The following COL10A1 variants were observed in gnomAD, a reference collection of about 807,000 sequenced individuals.
The protein encoded by COL10A1 is collagen type X alpha 1 chain, also known as collagen alpha-1(X) chain.
COL10A1 carries 10 observed loss-of-function variants against 18.2 expected under a neutral mutation model. The observed-to-expected ratio is 0.55, with a 90% confidence interval of 0.34 to 0.93. COL10A1 has a LOEUF of 0.93. Among genes scored for constraint, COL10A1 ranks in the 40% least tolerant of loss-of-function variants. The probability of loss-of-function intolerance (pLI) is 0.02; values close to 1 mark genes in which losing one functional copy is unlikely to be tolerated. For synonymous variants in COL10A1, 330 were observed against 316.6 expected, an observed-to-expected ratio of 1.04 and a Z score of -0.45; for missense variants, 897 against 853.5, an observed-to-expected ratio of 1.05 and a Z score of -0.64.
chr6:116,169,566 C>T, the COL10A1 span, among the ~76,000 whole-genome samples: 1,030 of 152,306 alleles, frequency 6.8e-3, 9 homozygotes, highest in Middle Eastern at 0.037. Flanking sequence ...ATTTTGCATA[C>T]TGATCAACTA....
the COL10A1 span, among the ~76,000 whole-genome samples, chr6:116,186,278 G>A: frequency 6.6e-6 from 1 of 151,454 alleles, no homozygotes; most frequent in African/African-American, 2.4e-5. Context: ...GTTACCTGAT[G>A]CTTTTGTCTC....
the COL10A1 span, among the ~76,000 whole-genome samples, chr6:116,187,886 C>T: frequency 2.6e-5 from 4 of 151,994 alleles, no homozygotes; most frequent in Admixed American, 2.6e-4. Flanking sequence ...AAACGTCTCT[C>T]TTCATAAAAA....
At chr6:116,213,827 G>A in the COL10A1 span, among the ~76,000 whole-genome samples, 2 of 152,078 alleles carry the variant, frequency 1.3e-5, no homozygotes, top group Non-Finnish European at 2.9e-5. Context: ...GTTGTGTCTA[G>A]GTAAGTAGAA....
intron 1 of COL10A1, among the ~76,000 whole-genome samples, chr6:116,141,104 A>G (rs183264888): frequency 4.6e-5 from 7 of 152,290 alleles, no homozygotes; most frequent in Admixed American, 1.3e-4. Context: ...TTAAACTTCA[A>G]GGTTTGCCAA....
chr6:116,145,489 T>C, intron 1 of COL10A1: 1 of 372,006 alleles, frequency 2.7e-6, no homozygotes, highest in Non-Finnish European at 6.1e-6. Flanking sequence ...AGTTTCATAC[T>C]TATTTAAGAG....
At chr6:116,160,970 A>G (rs539440865), upstream of COL10A1, among the ~76,000 whole-genome samples, 2 of 152,088 alleles carry the variant, frequency 1.3e-5, no homozygotes, top group African/African-American at 4.8e-5. Context: ...GACTGGATTA[A>G]GAAAATGTGG....
chr6:116,134,445 T>C (rs191258565), intron 1 of COL10A1, among the ~76,000 whole-genome samples: 18 of 152,336 alleles, frequency 1.2e-4, no homozygotes, highest in Non-Finnish European at 2.5e-4. Flanking sequence ...GACTATGGGT[T>C]ATTTATTATT....
chr6:116,146,409 C>T (rs1779898494), intron 1 of COL10A1, among the ~76,000 whole-genome samples: 1 of 152,116 alleles, frequency 6.6e-6, no homozygotes, highest in South Asian at 2.1e-4. Flanking sequence ...AGGAATTTCT[C>T]AGAAGCTCCA....
At chr6:116,170,592 T>A in the COL10A1 span, among the ~76,000 whole-genome samples, 1 of 152,208 alleles carries the variant, frequency 6.6e-6, no homozygotes. Context: ...TTTGTTTTAG[T>A]CACTTTTAAA....
the COL10A1 span, among the ~76,000 whole-genome samples, chr6:116,210,495 C>T: frequency 2.0e-5 from 3 of 151,944 alleles, no homozygotes; most frequent in African/African-American, 7.2e-5. Context: ...GATTCTGCCA[C>T]ATGGTAGCTG....
the COL10A1 span, among the ~76,000 whole-genome samples, chr6:116,172,259 A>G: frequency 1.3e-5 from 2 of 151,466 alleles, no homozygotes; most frequent in African/African-American, 4.8e-5. Flanking sequence ...GTTATATTAG[A>G]TAAGTATATT....
the COL10A1 span, among the ~76,000 whole-genome samples, chr6:116,191,238 G>C: frequency 4.6e-5 from 7 of 152,012 alleles, no homozygotes; most frequent in African/African-American, 1.7e-4. Context: ...AGTTTAGCAA[G>C]AATTTGTACC....
upstream of COL10A1, among the ~76,000 whole-genome samples, chr6:116,162,369 A>G (rs551279481): frequency 6.6e-5 from 10 of 152,290 alleles, 1 homozygote; most frequent in South Asian, 2.1e-3. Context: ...CTTAAAGGAA[A>G]TGCTTTCAAT....
intron 1 of COL10A1, among the ~76,000 whole-genome samples, chr6:116,155,046 A>G (rs1490324084): frequency 1.3e-5 from 2 of 152,208 alleles, no homozygotes; most frequent in Admixed American, 1.3e-4. Context: ...CTTTGGTTTG[A>G]CAGGGAGTAT....
chr6:116,211,574 C>T, the COL10A1 span, among the ~76,000 whole-genome samples: 1 of 151,886 alleles, frequency 6.6e-6, no homozygotes, highest in Non-Finnish European at 1.5e-5. Flanking sequence ...TTAACTAGAA[C>T]AGCCATTCAT....
At chr6:116,208,721 T>G in the COL10A1 span, among the ~76,000 whole-genome samples, 1 of 152,038 alleles carries the variant, frequency 6.6e-6, no homozygotes, top group African/African-American at 2.4e-5. Flanking sequence ...ACCCTGCGAT[T>G]GCTCTTTTAA....
At chr6:116,122,006 A>T in intron 2 of COL10A1, 45 bp from the exon 3 acceptor site, 1 of 1,522,958 alleles carries the variant, frequency 6.6e-7, no homozygotes, top group Non-Finnish European at 9.0e-7. Flanking sequence ...GGGGATGGTT[A>T]GTGACATTAA....
chr6:116,126,915 A>G (rs950721368), upstream of COL10A1, among the ~76,000 whole-genome samples: 1 of 152,152 alleles, frequency 6.6e-6, no homozygotes, highest in Non-Finnish European at 1.5e-5. Context: ...ACTTTCCCTC[A>G]AAGGTGGAAG....
upstream of COL10A1, among the ~76,000 whole-genome samples, chr6:116,159,295 A>G (rs513218): frequency 0.61 from 92,614 of 152,062 alleles, 30,270 homozygotes; most frequent in African/African-American, 0.86. Context: ...AACCAGAGAA[A>G]CATAACTTTC....
Sources: allele counts gnomAD v4.1 joint callset (sites outside exome capture counted in the v4.1 genomes callset), GRCh38; gene constraint gnomAD v4.1.1; transcripts MANE v1.5; gene names NCBI Gene and HGNC (gene_info 2026-07-23, HGNC 2026-07-21).